CLMP: variants seen among roughly 807,000 people sequenced by gnomAD.
The protein encoded by CLMP is CXADR like cell adhesion molecule, also known as CXADR-like membrane protein.
In CLMP, 27 loss-of-function variants were observed where a neutral mutation model predicts 45.2. The ratio of observed to expected loss-of-function variants is 0.60; its 90% CI spans 0.44 to 0.82. The LOEUF is 0.82. CLMP is among the 40% of genes least tolerant of loss of function. CLMP has a pLI of 0.00. For synonymous variants in CLMP, 167 were observed against 171.4 expected (o/e 0.97, Z 0.20); for missense variants, 403 against 448.4 (o/e 0.90, Z 0.91).
chr11:123,097,990 T>C, intron 1 of CLMP, 38 bp from the exon 2 acceptor site: 1 of 1,448,438 alleles, frequency 6.9e-7, no homozygotes, highest in East Asian at 2.5e-5. Context: ...ATGCAGAGAC[T>C]GGATGGCAAT....
intron 2 of CLMP, among the ~76,000 whole-genome samples, chr11:123,086,513 C>G (rs759429889): frequency 6.6e-5 from 10 of 152,358 alleles, no homozygotes; most frequent in Non-Finnish European, 1.2e-4. Flanking sequence ...TCACGTGTTG[C>G]TCCACAGCTC....
At chr11:123,085,687 G>GTT (rs991673856) in intron 2 of CLMP, among the ~76,000 whole-genome samples, 1 of 148,988 alleles carries the variant, frequency 6.7e-6, no homozygotes, top group Middle Eastern at 3.2e-3. Flanking sequence ...AGAACTCACA[G>GTT]TTACCCCTCT....
chr11:123,114,957 T>TA, intron 1 of CLMP, among the ~76,000 whole-genome samples: 1 of 152,338 alleles, frequency 6.6e-6, no homozygotes, highest in South Asian at 2.1e-4. Context: ...ATTGGACTGC[T>TA]ACCCAGTATA....
chr11:123,127,120 C>A (rs1379778494), intron 1 of CLMP, among the ~76,000 whole-genome samples: 1 of 150,230 alleles, frequency 6.7e-6, no homozygotes, highest in Non-Finnish European at 1.5e-5. Flanking sequence ...CTTTTTTTTT[C>A]TTTTCTTTCT....
chr11:123,108,514 G>A (rs1860591413), intron 1 of CLMP, among the ~76,000 whole-genome samples: 1 of 152,094 alleles, frequency 6.6e-6, no homozygotes, highest in Non-Finnish European at 1.5e-5. Flanking sequence ...TCAGTCAGGG[G>A]GGCCGGATAT....
At chr11:123,132,016 G>A (rs940743911) in intron 1 of CLMP, among the ~76,000 whole-genome samples, 3 of 152,134 alleles carry the variant, frequency 2.0e-5, no homozygotes, top group East Asian at 1.9e-4. Context: ...TTTAAAGCAC[G>A]TTGTATAAAA....
intron 1 of CLMP, among the ~76,000 whole-genome samples, chr11:123,155,860 G>A (rs111337991): frequency 1.5e-3 from 222 of 152,248 alleles, no homozygotes; most frequent in African/African-American, 5.0e-3. Context: ...TGCTGTCTGC[G>A]GGAAGCCAGG....
intron 1 of CLMP, among the ~76,000 whole-genome samples, chr11:123,125,416 T>C (rs1591468064): frequency 2.0e-5 from 3 of 151,364 alleles, no homozygotes; most frequent in African/African-American, 7.3e-5. Context: ...CTTCAGGATG[T>C]GGACCGGGGC....
At chr11:123,177,823 C>A (rs1256428892) in intron 1 of CLMP, among the ~76,000 whole-genome samples, 1 of 152,002 alleles carries the variant, frequency 6.6e-6, no homozygotes, top group Non-Finnish European at 1.5e-5. Context: ...TTAATTATAT[C>A]CCAAAAAATC....
rs928778455 is a variant in CLMP at position 123,162,492 on chromosome 11, G to T, written c.28+32421C>A. Among the ~76,000 whole-genome samples the T allele has an allele frequency of 8.5e-5, 13 of 152,140 alleles. 1 individual carries two copies. Among genetic ancestry groups the T allele is most frequent in the Admixed American group, 8.5e-4 (13 of 15,268 alleles). ...AGGAACTGGGAAATAAATCTTTCAG[G>T]CACCTGGGATGAATTAATTGAGGGC... On this transcript the variant is annotated intron_variant, in intron 1 of 6. Transcript: ENST00000448775.
intron 1 of CLMP, among the ~76,000 whole-genome samples, chr11:123,186,591 C>T (rs927338722): frequency 4.6e-5 from 7 of 151,792 alleles, no homozygotes; most frequent in African/African-American, 1.5e-4. Context: ...GTGATCTCAA[C>T]TCACTGCTGC....
At chr11:123,129,986 A>G (rs1345472870) in intron 1 of CLMP, among the ~76,000 whole-genome samples, 2 of 151,646 alleles carry the variant, frequency 1.3e-5, no homozygotes, top group Non-Finnish European at 1.5e-5. Flanking sequence ...AGAGCCAGGG[A>G]TCAACTTTTG....
chr11:123,098,808 G>A (rs1866021113), intron 1 of CLMP, among the ~76,000 whole-genome samples: 1 of 150,318 alleles, frequency 6.7e-6, no homozygotes, highest in South Asian at 2.1e-4. Context: ...CCAGGTTCAA[G>A]CGATTCTCGT....
intron 1 of CLMP, among the ~76,000 whole-genome samples, chr11:123,165,802 A>G (rs1395722603): frequency 6.6e-6 from 1 of 152,124 alleles, no homozygotes; most frequent in Non-Finnish European, 1.5e-5. Flanking sequence ...GGGTCTACCC[A>G]GGACAAGCAG....
Position 123,107,803 on chromosome 11 carries a change from AT to A in CLMP, c.29-9852del, listed in dbSNP as rs368949127. 9.0e-3 allele frequency among the ~76,000 whole-genome samples: 1,345 copies of A among 148,884 alleles called. 13 individuals carry two copies. Among genetic ancestry groups the A allele is most frequent in the African/African-American group, 0.03 (1,228 of 40,672 alleles). On this transcript the variant is annotated intron_variant, in intron 1 of 6. Coordinates refer to ENST00000448775, the MANE Select transcript of CLMP (RefSeq NM_024769.5). ...TGCTCGCTTTTGTGTGCTCTCTCCT[AT>A]TTTTTTTTTGTTGTACCAGTTGAAA...
At chr11:123,161,937 T>C (rs999632270) in intron 1 of CLMP, among the ~76,000 whole-genome samples, 1 of 152,154 alleles carries the variant, frequency 6.6e-6, no homozygotes, top group African/African-American at 2.4e-5. Flanking sequence ...GTAGGCCTCA[T>C]GTACAATATG....
Position 123,194,752 on chromosome 11 carries a change from C to T in CLMP, c.28+161G>A, listed in dbSNP as rs77817614. Among the ~76,000 whole-genome samples the T allele has an allele frequency of 1.2e-3, 188 of 152,376 alleles. 3 individuals are homozygous for T. In the East Asian group the frequency reaches 0.029, roughly 24 times the overall value. On this transcript the variant is annotated intron_variant, in intron 1 of 6. Transcript: ENST00000448775. ...TCTCGATGGCCGACTGGGCGGCCCT[C>T]GGTTGCCAGATGTGCTCCTCCGTGG... is the stretch of plus-strand genomic sequence containing the variant.
At chr11:123,144,152 T>C (rs1861204733) in intron 1 of CLMP, among the ~76,000 whole-genome samples, 1 of 120,524 alleles carries the variant, frequency 8.3e-6, no homozygotes, top group Non-Finnish European at 1.7e-5. Context: ...TGCTGAGCCA[T>C]AGCTGGAACT....
At chr11:123,160,640 A>G (rs74847454) in intron 1 of CLMP, among the ~76,000 whole-genome samples, 2,125 of 152,210 alleles carry the variant, frequency 0.014, 20 homozygotes, top group Non-Finnish European at 0.021. Context: ...TTCCTTTTGA[A>G]GCCTCTTCCT....
Sources: allele counts gnomAD v4.1 joint callset (sites outside exome capture counted in the v4.1 genomes callset), GRCh38; gene constraint gnomAD v4.1.1; transcripts MANE v1.5; gene names NCBI Gene and HGNC (gene_info 2026-07-23, HGNC 2026-07-21).